PABPC4L: variants seen among roughly 807,000 people sequenced by gnomAD.
PABPC4L encodes polyadenylate-binding protein 4-like.
For missense variants in PABPC4L, 452 were observed against 451.4 expected (o/e 1.00, Z -0.01); for synonymous variants, 169 against 164.1 (o/e 1.03, Z -0.23).
At chr4:134,045,705 C>A in the PABPC4L span, among the ~76,000 whole-genome samples, 1 of 152,076 alleles carries the variant, frequency 6.6e-6, no homozygotes, top group Non-Finnish European at 1.5e-5. Flanking sequence ...TTGCCGGTGC[C>A]GTCCTACTTA....
chr4:134,147,574 A>G, the PABPC4L span, among the ~76,000 whole-genome samples: 4 of 152,138 alleles, frequency 2.6e-5, no homozygotes, highest in Admixed American at 6.6e-5. Flanking sequence ...TTCATTACAT[A>G]TATTCATGAA....
chr4:134,127,133 C>G, the PABPC4L span, among the ~76,000 whole-genome samples: 1 of 152,016 alleles, frequency 6.6e-6, no homozygotes, highest in Admixed American at 6.6e-5. Context: ...CAGCAAGCCC[C>G]ACTCAAGGAG....
At chr4:134,025,330 A>AAG in the PABPC4L span, among the ~76,000 whole-genome samples, 1 of 146,466 alleles carries the variant, frequency 6.8e-6, no homozygotes, top group South Asian at 2.1e-4. Context: ...AAAAAAAAAA[A>AAG]GAGTGCTGTG....
At chr4:134,182,387 T>A in the PABPC4L span, among the ~76,000 whole-genome samples, 1 of 152,036 alleles carries the variant, frequency 6.6e-6, no homozygotes, top group Non-Finnish European at 1.5e-5. Context: ...CTGGGATAAC[T>A]GTCTAGTCAT....
At chr4:134,127,620 G>A in the PABPC4L span, among the ~76,000 whole-genome samples, 2 of 152,086 alleles carry the variant, frequency 1.3e-5, no homozygotes, top group African/African-American at 4.8e-5. Context: ...TGCATTTAAA[G>A]AGCACCCGTG....
At chr4:134,191,956 A>T (rs1477061702), downstream of PABPC4L, among the ~76,000 whole-genome samples, 1 of 152,070 alleles carries the variant, frequency 6.6e-6, no homozygotes, top group Non-Finnish European at 1.5e-5. Flanking sequence ...TGAAGCCAAA[A>T]CTTGGTTTTT....
chr4:134,040,217 A>AG, the PABPC4L span, among the ~76,000 whole-genome samples: 1 of 151,962 alleles, frequency 6.6e-6, no homozygotes, highest in East Asian at 1.9e-4. Context: ...AAAAAAAAAA[A>AG]AAAAACTACT....
the PABPC4L span, among the ~76,000 whole-genome samples, chr4:134,015,779 C>T: frequency 3.9e-5 from 6 of 152,126 alleles, no homozygotes; most frequent in Non-Finnish European, 8.8e-5. Context: ...ACAACTTGAC[C>T]TTACTGTTTT....
the PABPC4L span, among the ~76,000 whole-genome samples, chr4:134,114,733 A>G: frequency 6.6e-6 from 1 of 151,836 alleles, no homozygotes; most frequent in South Asian, 2.1e-4. Flanking sequence ...CTTTTATGTG[A>G]AGGCAAACTA....
At chr4:133,996,410 T>C in the PABPC4L span, among the ~76,000 whole-genome samples, 1 of 152,276 alleles carries the variant, frequency 6.6e-6, no homozygotes, top group South Asian at 2.1e-4. Flanking sequence ...TTAAGCCCCT[T>C]AATTGAGCCT....
the PABPC4L span, among the ~76,000 whole-genome samples, chr4:134,047,673 G>A: frequency 3.3e-5 from 5 of 152,206 alleles, no homozygotes; most frequent in African/African-American, 4.8e-5. Flanking sequence ...TGGGTAGGAA[G>A]GGAAGGTCTA....
the PABPC4L span, among the ~76,000 whole-genome samples, chr4:134,068,141 TG>T: frequency 2.6e-5 from 4 of 152,306 alleles, no homozygotes; most frequent in East Asian, 7.7e-4. Context: ...TCACTATTAT[TG>T]TGTGGGAATC....
the PABPC4L span, among the ~76,000 whole-genome samples, chr4:133,956,992 G>A: frequency 6.6e-6 from 1 of 152,080 alleles, no homozygotes; most frequent in Non-Finnish European, 1.5e-5. Flanking sequence ...TGTGATTTGG[G>A]TGGGGACACA....
At chr4:134,040,123 T>C in the PABPC4L span, among the ~76,000 whole-genome samples, 1 of 151,168 alleles carries the variant, frequency 6.6e-6, no homozygotes, top group Non-Finnish European at 1.5e-5. Context: ...ATCCATATCA[T>C]GAAAATGGCC....
the PABPC4L span, among the ~76,000 whole-genome samples, chr4:133,961,092 C>A: frequency 6.6e-6 from 1 of 152,156 alleles, no homozygotes; most frequent in Non-Finnish European, 1.5e-5. Context: ...CACCTCCCAG[C>A]AGGATACCAA....
the PABPC4L span, among the ~76,000 whole-genome samples, chr4:134,003,783 G>A: frequency 1.3e-5 from 2 of 151,664 alleles, no homozygotes; most frequent in African/African-American, 4.8e-5. Flanking sequence ...ATCTTTACAC[G>A]GGAAGCAAAA....
chr4:133,984,193 A>T, the PABPC4L span, among the ~76,000 whole-genome samples: 1 of 151,866 alleles, frequency 6.6e-6, no homozygotes, highest in African/African-American at 2.4e-5. Context: ...ATAATTATTG[A>T]CTTTAAAAAC....
At chr4:134,066,650 C>T in the PABPC4L span, among the ~76,000 whole-genome samples, 524 of 152,128 alleles carry the variant, frequency 3.4e-3, 4 homozygotes, top group African/African-American at 0.012. Context: ...AGCTTTTGCC[C>T]GTACAGTATG....
At chr4:134,007,128 A>C in the PABPC4L span, among the ~76,000 whole-genome samples, 1 of 152,002 alleles carries the variant, frequency 6.6e-6, no homozygotes, top group Middle Eastern at 3.4e-3. Context: ...ATTATGACAG[A>C]AAAAGAAGCT....
Sources: gnomAD v4.1 joint callset for allele counts (sites outside exome capture counted in the v4.1 genomes callset) on GRCh38, gnomAD v4.1.1 for gene constraint, MANE v1.5 for transcripts, NCBI Gene and HGNC (gene_info 2026-07-23, HGNC 2026-07-21) for gene names.